Variants in WWOX observed in about 807,000 individuals in gnomAD.
WWOX encodes the protein WW domain-containing oxidoreductase.
In WWOX, 69 loss-of-function variants were observed where a neutral mutation model predicts 46.2. The observed-to-expected ratio is 1.49, with a 90% CI of 1.23 to 1.82. WWOX has a LOEUF of 1.82. Ranked by LOEUF, WWOX falls within the 40% of genes most tolerant of loss-of-function variation. The pLI is 0.00. For missense variants in WWOX, 919 were observed against 542.6 expected, an observed-to-expected ratio of 1.69 and a Z score of -6.89; for synonymous variants, 359 against 202.6, an observed-to-expected ratio of 1.77 and a Z score of -6.56.
intron 8 of WWOX, among the ~76,000 whole-genome samples, chr16:78,938,655 C>G (rs1481373525): frequency 6.6e-6 from 1 of 152,030 alleles, no homozygotes; most frequent in Admixed American, 6.6e-5. Context: ...TATGCATTTA[C>G]TGTGTACTAA....
chr16:78,582,913 C>G (rs2045098505), intron 8 of WWOX, among the ~76,000 whole-genome samples: 1 of 152,090 alleles, frequency 6.6e-6, no homozygotes, highest in Non-Finnish European at 1.5e-5. Context: ...ATTTTGGGGA[C>G]AAGAAATGAT....
At chr16:79,089,311 C>A (rs571891219) in intron 8 of WWOX, among the ~76,000 whole-genome samples, 1 of 146,830 alleles carries the variant, frequency 6.8e-6, no homozygotes, top group Non-Finnish European at 1.5e-5. Context: ...TTAGCGTCAT[C>A]ATGAACGTTC....
At chr16:78,964,853 C>T (rs1013328133) in intron 8 of WWOX, among the ~76,000 whole-genome samples, 8 of 152,218 alleles carry the variant, frequency 5.3e-5, no homozygotes, top group African/African-American at 1.9e-4. Flanking sequence ...GTCCCAGCCA[C>T]TCCAGTCATG....
intron 8 of WWOX, among the ~76,000 whole-genome samples, chr16:78,989,937 C>G (rs1321593941): frequency 6.6e-6 from 1 of 151,526 alleles, no homozygotes; most frequent in East Asian, 1.9e-4. Flanking sequence ...AATTCTAGCA[C>G]TTTGGGAGGC....
At chr16:78,742,853 G>A (rs2049262518) in intron 8 of WWOX, among the ~76,000 whole-genome samples, 1 of 152,172 alleles carries the variant, frequency 6.6e-6, no homozygotes, top group Non-Finnish European at 1.5e-5. Context: ...CGAGTCTCAT[G>A]GTCAGAGCCG....
chr16:78,684,890 T>C (rs2047819429), intron 8 of WWOX, among the ~76,000 whole-genome samples: 1 of 152,202 alleles, frequency 6.6e-6, no homozygotes, highest in Non-Finnish European at 1.5e-5. Flanking sequence ...AGTCAGAGCA[T>C]AGGAACACTC....
At chr16:78,641,223 T>C (rs988420438) in intron 8 of WWOX, among the ~76,000 whole-genome samples, 7 of 152,084 alleles carry the variant, frequency 4.6e-5, no homozygotes, top group African/African-American at 1.7e-4. Context: ...CAGGTCTAAG[T>C]TTCCCCCAGG....
intron 8 of WWOX, among the ~76,000 whole-genome samples, chr16:78,491,724 A>G (rs1271656770): frequency 6.6e-6 from 1 of 152,176 alleles, no homozygotes; most frequent in Non-Finnish European, 1.5e-5. Context: ...ACTGACTGAA[A>G]ACTGGAGTTT....
intron 8 of WWOX, among the ~76,000 whole-genome samples, chr16:78,829,577 T>C (rs958787397): frequency 3.3e-5 from 5 of 152,154 alleles, no homozygotes; most frequent in African/African-American, 1.2e-4. Context: ...CTTCTTTTTA[T>C]TTTTGGTGTT....
At chr16:78,421,994 T>C (rs1373988151) in intron 6 of WWOX, among the ~76,000 whole-genome samples, 1 of 152,214 alleles carries the variant, frequency 6.6e-6, no homozygotes, top group African/African-American at 2.4e-5. Flanking sequence ...AATACAAATA[T>C]AATAGTATGA....
chr16:79,060,047 C>G (rs986519355), intron 8 of WWOX, among the ~76,000 whole-genome samples: 4 of 151,994 alleles, frequency 2.6e-5, no homozygotes, highest in Non-Finnish European at 2.9e-5. Context: ...TAACTGAAAC[C>G]AAATTAGCTC....
intron 8 of WWOX, among the ~76,000 whole-genome samples, chr16:78,740,712 G>T (rs924800763): frequency 6.6e-6 from 1 of 152,078 alleles, no homozygotes; most frequent in Admixed American, 6.6e-5. Context: ...GCTAGTAATT[G>T]GGGCAAGGGA....
intron 8 of WWOX, among the ~76,000 whole-genome samples, chr16:79,020,006 A>G (rs566138261): frequency 2.0e-5 from 3 of 152,318 alleles, no homozygotes; most frequent in Admixed American, 2.0e-4. Context: ...TGTGGGGAAG[A>G]GCTCATCATT....
intron 4 of WWOX, among the ~76,000 whole-genome samples, chr16:78,153,214 C>A (rs1436296566): frequency 2.6e-5 from 4 of 152,146 alleles, no homozygotes; most frequent in Non-Finnish European, 5.9e-5. Flanking sequence ...ATTAGCTAGT[C>A]ATTGCAGATG....
chr16:78,178,651 A>G (rs1458453472), intron 5 of WWOX, among the ~76,000 whole-genome samples: 2 of 152,252 alleles, frequency 1.3e-5, no homozygotes, highest in Middle Eastern at 3.4e-3. Context: ...GGATCACTTG[A>G]GGTTAGGAGT....
intron 8 of WWOX, among the ~76,000 whole-genome samples, chr16:79,040,072 A>C (rs1038911125): frequency 6.6e-6 from 1 of 152,130 alleles, no homozygotes; most frequent in African/African-American, 2.4e-5. Flanking sequence ...TCCATCTATA[A>C]ACTGGGTATA....
intron 8 of WWOX, among the ~76,000 whole-genome samples, chr16:79,179,596 T>C (rs962985196): frequency 2.0e-5 from 3 of 152,230 alleles, no homozygotes; most frequent in African/African-American, 7.2e-5. Context: ...GCAATGTAGC[T>C]TCTGGCTGGT....
intron 8 of WWOX, among the ~76,000 whole-genome samples, chr16:79,086,336 T>C (rs145665887): frequency 1.7e-3 from 260 of 152,362 alleles, no homozygotes; most frequent in African/African-American, 5.8e-3. Context: ...TTGATTGATA[T>C]GCAAAAGTCA....
intron 8 of WWOX, among the ~76,000 whole-genome samples, chr16:78,704,265 C>T (rs1342565530): frequency 6.6e-6 from 1 of 152,084 alleles, no homozygotes; most frequent in Non-Finnish European, 1.5e-5. Flanking sequence ...CAACTTGGAT[C>T]CCATAGCGGG....
Sources: gnomAD v4.1 joint callset for allele counts (sites outside exome capture counted in the v4.1 genomes callset) on GRCh38, gnomAD v4.1.1 for gene constraint, MANE v1.5 for transcripts, NCBI Gene and HGNC (gene_info 2026-07-23, HGNC 2026-07-21) for gene names.